Variants in MTA3 observed in about 807,000 individuals in gnomAD.
MTA3 encodes metastasis-associated protein MTA3.
In MTA3, 34 loss-of-function variants were observed where a neutral mutation model predicts 83.5. The ratio of observed to expected loss-of-function variants is 0.41; its 90% CI spans 0.31 to 0.54. The LOEUF is 0.54. Ranked by LOEUF, MTA3 falls within the 20% of genes least tolerant of loss-of-function variation. The pLI, the probability that MTA3 is intolerant of heterozygous loss-of-function variation, is 0.33. For synonymous variants in MTA3, 303 were observed against 252.7 expected, an observed-to-expected ratio of 1.20 and a Z score of -1.89; for missense variants, 761 against 726.4, an observed-to-expected ratio of 1.05 and a Z score of -0.55.
At chr2:42,568,615 T>A, upstream of MTA3, 1 of 258,244 alleles carries the variant, frequency 3.9e-6, no homozygotes, top group East Asian at 1.3e-4. Context: ...TCCCCTCCCT[T>A]CCCTCCCTTC....
chr2:42,496,084 A>T (rs1240440292), intron 2 of MTA3, among the ~76,000 whole-genome samples: 2 of 152,160 alleles, frequency 1.3e-5, no homozygotes, highest in African/African-American at 2.4e-5. Context: ...CTCTAACATT[A>T]TTGTAGGGTT....
At chr2:42,702,624 T>G (rs138805208) in intron 11 of MTA3, 2 of 152,368 alleles carry the variant, frequency 1.3e-5, no homozygotes, top group East Asian at 3.9e-4. Context: ...ATTTACTGAT[T>G]TATTTTGCTT....
intron 3 of MTA3, among the ~76,000 whole-genome samples, chr2:42,579,469 C>G (rs1164782786): frequency 2.0e-5 from 3 of 150,590 alleles, no homozygotes; most frequent in African/African-American, 4.9e-5. Context: ...CTCTGTCACC[C>G]AGGCTGGAGT....
chr2:42,504,056 T>A (rs1431977954), intron 2 of MTA3, among the ~76,000 whole-genome samples: 1 of 151,626 alleles, frequency 6.6e-6, no homozygotes, highest in Non-Finnish European at 1.5e-5. Context: ...TCTGAGTAGC[T>A]GGGATTACAG....
chr2:42,692,465 C>A (rs1306512665), intron 9 of MTA3, among the ~76,000 whole-genome samples: 1 of 150,522 alleles, frequency 6.6e-6, no homozygotes, highest in African/African-American at 2.5e-5. Flanking sequence ...TGTTCCGTCA[C>A]CCAGGCTGGA....
At chr2:42,603,863 G>A (rs369279589) in intron 3 of MTA3, among the ~76,000 whole-genome samples, 13 of 152,178 alleles carry the variant, frequency 8.5e-5, no homozygotes, top group African/African-American at 3.1e-4. Flanking sequence ...CCATTCTCCT[G>A]CCTCAGCCTC....
chr2:42,699,156 G>A (rs1180083929), intron 11 of MTA3, among the ~76,000 whole-genome samples: 2 of 152,196 alleles, frequency 1.3e-5, no homozygotes, highest in Non-Finnish European at 2.9e-5. Flanking sequence ...ATAGTCGCAA[G>A]CCAAATCTGA....
intron 16 of MTA3, among the ~76,000 whole-genome samples, chr2:42,748,785 T>C (rs371602291): frequency 6.6e-6 from 1 of 152,262 alleles, no homozygotes; most frequent in Non-Finnish European, 1.5e-5. Flanking sequence ...GTGTGAATGA[T>C]GAGTTATAAA....
At chr2:42,744,094 A>G (rs1174548804) in intron 16 of MTA3, among the ~76,000 whole-genome samples, 1 of 152,312 alleles carries the variant, frequency 6.6e-6, no homozygotes, top group East Asian at 1.9e-4. Context: ...CTAAAGGACT[A>G]TTATGCCCCC....
Position 42,593,856 on chromosome 2 carries a change from T to C in MTA3, c.190+14656T>C, listed in dbSNP as rs147417924. 4.5e-3 allele frequency among the ~76,000 whole-genome samples: 685 copies of C among 152,250 alleles called. 7 individuals are homozygous for C. The highest frequency in any genetic ancestry group is 0.016 in the African/African-American group (660 of 41,542). ...ATATGCATTGTGATTTTGACAGATA[T>C]TACCAAATTAATTGCTTCAGATATT... is the stretch of plus-strand genomic sequence containing the variant. On this transcript the variant is annotated intron_variant, in intron 3 of 16. Coordinates refer to ENST00000405094, the MANE Select transcript of MTA3 (RefSeq NM_001330442.2).
At chr2:42,549,616 ATATAT>A (rs1156416910) in intron 2 of MTA3, among the ~76,000 whole-genome samples, 22 of 121,312 alleles carry the variant, frequency 1.8e-4, no homozygotes, top group South Asian at 4.4e-4. Context: ...ATAATATATA[ATATAT>A]TATATACATA....
intron 2 of MTA3, among the ~76,000 whole-genome samples, chr2:42,506,643 AT>A (rs1674643747): frequency 6.8e-6 from 1 of 146,774 alleles, no homozygotes; most frequent in Admixed American, 6.9e-5. Flanking sequence ...TTATTTATTT[AT>A]TTATTATTCT....
chr2:42,692,920 C>G (rs374508228), intron 9 of MTA3, among the ~76,000 whole-genome samples: 1 of 152,184 alleles, frequency 6.6e-6, no homozygotes, highest in Admixed American at 6.5e-5. Context: ...TGTGTCCGTC[C>G]TTCTTGAAAA....
At chr2:42,685,454 T>C (rs545509283) in intron 9 of MTA3, among the ~76,000 whole-genome samples, 15 of 152,326 alleles carry the variant, frequency 9.8e-5, no homozygotes, top group African/African-American at 3.6e-4. Context: ...CTGCTGTGAT[T>C]AGAAACCTAA....
At chr2:42,534,804 T>G (rs1676142744) in intron 2 of MTA3, among the ~76,000 whole-genome samples, 1 of 152,048 alleles carries the variant, frequency 6.6e-6, no homozygotes, top group Admixed American at 6.6e-5. Context: ...GATTCCTTTT[T>G]TTAGAAATGG....
intron 6 of MTA3, among the ~76,000 whole-genome samples, chr2:42,644,504 G>C (rs1687989235): frequency 6.6e-6 from 1 of 152,130 alleles, no homozygotes; most frequent in Non-Finnish European, 1.5e-5. Context: ...TGCTATTATA[G>C]GTGTGGCCTG....
At chr2:42,707,762 T>C in intron 12 of MTA3, 141 bp from the exon 13 acceptor site, 1 of 875,816 alleles carries the variant, frequency 1.1e-6, no homozygotes, top group Non-Finnish European at 1.7e-6. Flanking sequence ...ACAAATATAC[T>C]ATTATGTTTG....
chr2:42,660,393 G>A (rs549066019), intron 8 of MTA3, among the ~76,000 whole-genome samples: 1 of 152,232 alleles, frequency 6.6e-6, no homozygotes, highest in African/African-American at 2.4e-5. Context: ...GGCCAGAGGG[G>A]CTATTTTCTA....
intron 16 of MTA3, among the ~76,000 whole-genome samples, chr2:42,748,349 C>T (rs1016843661): frequency 6.6e-6 from 1 of 152,098 alleles, no homozygotes; most frequent in African/African-American, 2.4e-5. Context: ...CAGGCGTGAG[C>T]CACTGTGCCC....
Sources: allele counts gnomAD v4.1 joint callset (sites outside exome capture counted in the v4.1 genomes callset), GRCh38; gene constraint gnomAD v4.1.1; transcripts MANE v1.5; gene names NCBI Gene and HGNC (gene_info 2026-07-23, HGNC 2026-07-21).